DNHD1: variants seen among roughly 807,000 people sequenced by gnomAD.
DNHD1 encodes the protein dynein heavy chain domain-containing protein 1.
DNHD1 carries 383 observed loss-of-function variants against 458.1 expected under a neutral mutation model. The ratio of observed to expected loss-of-function variants is 0.84; its 90% CI spans 0.77 to 0.91. The LOEUF (loss-of-function observed/expected upper bound fraction) is 0.91, where lower values mean the gene tolerates loss of function less well. Ranked by LOEUF, DNHD1 falls within the 40% of genes least tolerant of loss-of-function variation. The probability of loss-of-function intolerance (pLI) is 0.00; values close to 1 mark genes in which losing one functional copy is unlikely to be tolerated. For missense variants in DNHD1, 5,336 were observed against 5,866.1 expected, an observed-to-expected ratio of 0.91 and a Z score of 2.95; for synonymous variants, 2,203 against 2,376.9, an observed-to-expected ratio of 0.93 and a Z score of 2.13.
At chr11:6,544,060 T>C (rs1853155440) in intron 18 of DNHD1, 61 bp from the exon 19 acceptor site, 5 of 1,533,826 alleles carry the variant, frequency 3.3e-6, no homozygotes, top group African/African-American at 2.8e-5. Flanking sequence ...GGTCTCCTCT[T>C]CTCTCCCCCA....
rs140059496 is a variant in DNHD1 at position 6,564,602 on chromosome 11, G to A, written c.10554G>A (p.Ser3518=). 1.2e-4 allele frequency: 185 copies of A among 1,551,710 alleles called. 1 individual carries two copies. In the African/African-American group the frequency reaches 2.3e-3, roughly 19 times the overall value. The change falls in exon 32 of 43, where the codon TCG becomes TCA. Residue 3518 remains serine (S), a synonymous_variant. Coordinates refer to ENST00000254579, the MANE Select transcript of DNHD1 (RefSeq NM_144666.3). The part of the protein sequence containing the change: ...FSILSLLSSE[S]EQYQWDGNLK... ...TTCTGTCCTTGCTGAGCTCTGAATC[G>A]GAGCAGTACCAGTGGGATGGAAACC...
chr11:6,510,553 G>A (rs1389380371), intron 6 of DNHD1, among the ~76,000 whole-genome samples: 11 of 152,068 alleles, frequency 7.2e-5, no homozygotes, highest in South Asian at 4.1e-4. Context: ...CTTGGGAGAC[G>A]GGACAAATCT....
At chr11:6,520,541 T>C (rs758225098) in intron 10 of DNHD1, 103 of 1,334,132 alleles carry the variant, frequency 7.7e-5, no homozygotes, top group Non-Finnish European at 9.4e-5. Flanking sequence ...TGTGAGTACA[T>C]TGTCCTTCCA....
chr11:6,540,489 CAGG>C (rs1171210813), intron 18 of DNHD1, among the ~76,000 whole-genome samples: 2 of 152,202 alleles, frequency 1.3e-5, no homozygotes, highest in Non-Finnish European at 2.9e-5. Flanking sequence ...GTGCTAAACA[CAGG>C]AGACCTTGAG....
intron 7 of DNHD1, among the ~76,000 whole-genome samples, chr11:6,517,648 A>G (rs1027745394): frequency 9.2e-6 from 1 of 108,960 alleles, no homozygotes; most frequent in Non-Finnish European, 1.8e-5. Flanking sequence ...ATGATCTAGG[A>G]CTTCTTTTTT....
At chr11:6,499,054 C>T (rs1852088729) in intron 3 of DNHD1, 93 bp downstream of exon 3, 1 of 1,403,476 alleles carries the variant, frequency 7.1e-7, no homozygotes, top group Admixed American at 2.5e-5. Context: ...TTAGATCCAG[C>T]TCTCTGTTTA....
rs766710462 is a variant in DNHD1 at position 6,544,219 on chromosome 11, G to A, written c.3727G>A (p.Glu1243Lys). 2 of 1,551,572 alleles carry A rather than the reference G, an allele frequency of 1.3e-6. No homozygotes were observed. Among genetic ancestry groups the A allele is most frequent in the East Asian group, 2.4e-5 (1 of 40,914 alleles). Residue 1243 changes from glutamate to lysine, a missense_variant, in exon 19 of 43, where the codon GAG becomes AAG. This residue lies in a region of DNHD1 where 3,932 missense variants were observed against 4,365.6 expected (regional missense o/e 0.90). Coordinates refer to ENST00000254579, the MANE Select transcript of DNHD1 (RefSeq NM_144666.3). Reference sequence around the variant, plus strand: ...AGGAGATTTAAACAAAATAGCTTTGGAGTGGGTGGCCATCATGCATGGCCT... The same window carrying A: ...AGGAGATTTAAACAAAATAGCTTTGAAGTGGGTGGCCATCATGCATGGCCT... ...KSGDLNKIAL[E>K]WVAIMHGLGA...
rs759034324 is a variant in DNHD1 at position 6,571,835 on chromosome 11, T to G, written c.14111T>G (p.Val4704Gly). ...CTGCCAGCCCCAGCCGACCTGACTG[T>G]GTACTCGTGTCCTGTGTACATGGGA... is the stretch of plus-strand genomic sequence containing the variant. ...SDLPAPADLT[V>G]YSCPVYMGGP... The change falls in exon 43 of 43, where the codon GTG becomes GGG. Residue 4704 changes from valine (V) to glycine (G), a missense_variant. Coordinates refer to ENST00000254579, the MANE Select transcript of DNHD1 (RefSeq NM_144666.3). The surrounding 1 kb of genome is among the most constrained non-coding windows in gnomAD (Gnocchi z 5.0). The G allele has an allele frequency of 1.9e-6, 3 of 1,613,794 alleles. No homozygotes were observed. The East Asian group carries it at 6.7e-5, about 36-fold the overall frequency.
chr11:6,571,630 C>T lies in DNHD1; in HGVS notation c.13912-6C>T, dbSNP rs1278374605. On this transcript the variant is annotated splice_polypyrimidine_tract_variant and splice_region_variant and intron_variant, in intron 42 of 42. Transcript: ENST00000254579. This position sits in a 1 kb window ranked among gnomAD's most constrained non-coding sequence, Gnocchi z 5.0. Reference sequence around the variant, plus strand: ...GCCTTGCCTGACCAGCTTCTGACGCCCCCAGGTGGAGAATGGTCCAAATCC... The same window carrying T: ...GCCTTGCCTGACCAGCTTCTGACGCTCCCAGGTGGAGAATGGTCCAAATCC... 1.3e-6 allele frequency: 2 copies of T among 1,558,696 alleles called. No homozygotes were observed. Among genetic ancestry groups the T allele is most frequent in the East Asian group, 2.3e-5 (1 of 43,124 alleles).
chr11:6,570,512 C>T (rs767755433), intron 41 of DNHD1, 106 bp from the exon 42 acceptor site: 24 of 1,479,082 alleles, frequency 1.6e-5, no homozygotes, highest in East Asian at 2.5e-5. Flanking sequence ...AATATTCATA[C>T]TGTTATGGGG....
At chr11:6,533,498 A>G (rs992058571) in intron 13 of DNHD1, among the ~76,000 whole-genome samples, 183 bp from the exon 14 acceptor site, 5 of 152,192 alleles carry the variant, frequency 3.3e-5, no homozygotes, top group African/African-American at 1.2e-4. Flanking sequence ...GATCTGGGTC[A>G]GAGAGAGATT....
chr11:6,539,403 A>C, intron 17 of DNHD1, 90 bp downstream of exon 17: 3 of 1,016,112 alleles, frequency 3.0e-6, no homozygotes, highest in Non-Finnish European at 1.5e-6. Context: ...TTGGCATGTG[A>C]TTTAATGTGG....
intron 16 of DNHD1, 119 bp downstream of exon 16, chr11:6,538,929 A>G (rs1853028811): frequency 1.8e-6 from 2 of 1,101,914 alleles, no homozygotes; most frequent in Non-Finnish European, 2.5e-6. Context: ...GTTTCTCCCT[A>G]CCTTTCCCAC....
chr11:6,524,381 T>C (rs1164165220), intron 10 of DNHD1, among the ~76,000 whole-genome samples: 6 of 152,238 alleles, frequency 3.9e-5, no homozygotes, highest in African/African-American at 1.4e-4. Flanking sequence ...TCTGTGTATC[T>C]TTCCAGTTCC....
chr11:6,554,543 CA>C (rs1564819123), intron 24 of DNHD1, among the ~76,000 whole-genome samples: 1 of 152,082 alleles, frequency 6.6e-6, no homozygotes, highest in Non-Finnish European at 1.5e-5. Flanking sequence ...ATGTATCTGA[CA>C]AAGGACTTGA....
At chr11:6,515,001 G>C (rs1292664226) in intron 7 of DNHD1, among the ~76,000 whole-genome samples, 1 of 152,104 alleles carries the variant, frequency 6.6e-6, no homozygotes, top group Non-Finnish European at 1.5e-5. Context: ...CTTTTTATCA[G>C]GAATCCATTC....
Position 6,512,129 on chromosome 11 carries a change from C to A in DNHD1, c.1392+700C>A, listed in dbSNP as rs553080413. ...TTCTACATGTTGCTCTAAACTCCAT[C>A]AGAGGAGGTTAATCACAAAGGACAG... On this transcript the variant is annotated intron_variant, in intron 7 of 42. Transcript: ENST00000254579. Among the ~76,000 whole-genome samples the A allele has an allele frequency of 2.0e-4, 30 of 151,558 alleles. No homozygotes were observed. In the South Asian group the frequency reaches 4.4e-3, roughly 22 times the overall value.
rs1450815790 is a variant in DNHD1, at chr11:6,547,371, A to C, written c.6432A>C (p.Leu2144=). 16 of 1,551,558 alleles carry C rather than the reference A, an allele frequency of 1.0e-5. No individual in the cohort carries two copies. The highest frequency in any genetic ancestry group is 1.2e-5 in the Non-Finnish European group (14 of 1,146,990). ...CCACAGTGGTAGGCTGTTGTGCCCT[A>C]GTCTGGTGTGGTGGAGAGCAGACTT... The part of the protein sequence containing the change: ...ISPTVVGCCA[L]VWCGGEQTWQ... The change falls in exon 21 of 43, where the codon CTA becomes CTC. Residue 2144 remains leucine, a synonymous_variant. Transcript: ENST00000254579.
chr11:6,557,328 G>T lies in DNHD1; in HGVS notation c.8033G>T (p.Ser2678Ile), dbSNP rs1334994512. ...AAGCTGCTCCTAGTAGTAGCTCAAAGTGTCTTCTGCTGTGGGCCAGGGCCC... is the reference window on the plus strand; with the variant it reads ...AAGCTGCTCCTAGTAGTAGCTCAAATTGTCTTCTGCTGTGGGCCAGGGCCC... The part of the protein sequence containing the change: ...CAKLLLVVAQ[S>I]VFCCGPGPQH... The change falls in exon 25 of 43, where the codon AGT becomes ATT. Residue 2678 changes from serine (S) to isoleucine (I), a missense_variant. By Grantham distance (142) the Ser-to-Ile change is moderately radical. Coordinates refer to ENST00000254579, the MANE Select transcript of DNHD1 (RefSeq NM_144666.3). 3 of 1,551,476 alleles carry T rather than the reference G, an allele frequency of 1.9e-6. No homozygotes were observed. The Admixed American group carries it at 5.9e-5, about 30-fold the overall frequency.
Sources: allele counts gnomAD v4.1 joint callset (sites outside exome capture counted in the v4.1 genomes callset), GRCh38; gene constraint gnomAD v4.1.1; regional missense constraint gnomAD v4.1.1; non-coding constraint Gnocchi (gnomAD v3.1); transcripts MANE v1.5; gene names NCBI Gene and HGNC (gene_info 2026-07-23, HGNC 2026-07-21).